Variants in RABGAP1 observed in about 807,000 individuals in gnomAD.
RABGAP1 encodes RAB GTPase activating protein 1.
In RABGAP1, 23 loss-of-function variants were observed where a neutral mutation model predicts 137.6. The observed-to-expected ratio is 0.17, with a 90% CI of 0.12 to 0.24. The LOEUF (loss-of-function observed/expected upper bound fraction) is 0.24, where lower values mean the gene tolerates loss of function less well. Among genes scored for constraint, RABGAP1 ranks in the 10% least tolerant of loss-of-function variants. RABGAP1 has a pLI of 1.00. For missense variants in RABGAP1, 906 were observed against 1,275.8 expected (o/e 0.71, Z 4.42); for synonymous variants, 451 against 450.7 (o/e 1.00, Z -0.01).
At chr9:123,042,111 A>C (rs2032981438) in intron 13 of RABGAP1, among the ~76,000 whole-genome samples, 1 of 152,224 alleles carries the variant, frequency 6.6e-6, no homozygotes, top group African/African-American at 2.4e-5. Flanking sequence ...GCTGTAAGAA[A>C]GTCTGTGTGT....
intron 1 of RABGAP1, among the ~76,000 whole-genome samples, chr9:122,943,072 CTTTTTTTTT>C (rs10582436): frequency 1.7e-5 from 2 of 116,226 alleles, no homozygotes; most frequent in African/African-American, 8.5e-5. Context: ...GGTGCACTTT[CTTTTTTTTT>C]TTTTTTTTTT....
At chr9:123,090,792 T>C (rs2035010905) in intron 21 of RABGAP1, among the ~76,000 whole-genome samples, 2 of 152,256 alleles carry the variant, frequency 1.3e-5, no homozygotes, top group Non-Finnish European at 2.9e-5. Flanking sequence ...GGAATGCAGC[T>C]CAGTACCTCA....
At chr9:123,020,228 A>T in intron 12 of RABGAP1, 81 bp from the exon 13 acceptor site, 1 of 1,246,442 alleles carries the variant, frequency 8.0e-7, no homozygotes, top group Non-Finnish European at 1.1e-6. Flanking sequence ...TAAGCCATTT[A>T]AATTGACTTT....
rs1274558550 is a variant in RABGAP1 at position 123,103,553 on chromosome 9, T to C, written c.*340T>C. 1 of 143,310 alleles carries C rather than the reference T, an allele frequency of 7.0e-6. No individual in the cohort carries two copies. The highest frequency in any genetic ancestry group is 2.1e-4 in the East Asian group (1 of 4,732). 8.9% of individuals were successfully genotyped at this position (143,310 alleles called of 1,614,324 possible). A position where few individuals can be genotyped will look rare whatever the true frequency, so the allele number is the denominator to read the frequency against. On this transcript the variant is annotated 3_prime_UTR_variant, in exon 26 of 26. Transcript: ENST00000373647. Reference sequence around the variant, plus strand: ...CAGAGTTAGGGGATCCTTCAGTCTGTTGATTTTTTTTCTAAACCTTTTTTT... The same window carrying C: ...CAGAGTTAGGGGATCCTTCAGTCTGCTGATTTTTTTTCTAAACCTTTTTTT...
At chr9:123,055,154 C>T (rs1043110093) in intron 13 of RABGAP1, among the ~76,000 whole-genome samples, 1 of 152,086 alleles carries the variant, frequency 6.6e-6, no homozygotes, top group Non-Finnish European at 1.5e-5. Flanking sequence ...TTTATTCAAT[C>T]ATTTATTTAT....
upstream of RABGAP1, among the ~76,000 whole-genome samples, chr9:122,936,795 G>A (rs1833394065): frequency 6.6e-6 from 1 of 152,166 alleles, no homozygotes; most frequent in Non-Finnish European, 1.5e-5. Flanking sequence ...GTCAGATATT[G>A]AAGGATTAGG....
At chr9:123,019,068 A>G (rs769973114) in intron 12 of RABGAP1, among the ~76,000 whole-genome samples, 1 of 152,224 alleles carries the variant, frequency 6.6e-6, no homozygotes. Flanking sequence ...CTGAAGGTCA[A>G]ATAAGATACT....
Position 122,984,806 on chromosome 9 carries a change from A to T in RABGAP1, c.385+87A>T, listed in dbSNP as rs1836281755. Reference sequence around the variant, plus strand: ...CCCTGTACTAGGTTTTATTTAGAACAGGCAAAACCATTGTCTACAAAAACA... The same window carrying T: ...CCCTGTACTAGGTTTTATTTAGAACTGGCAAAACCATTGTCTACAAAAACA... On this transcript the variant is annotated intron_variant, in intron 3 of 25. Transcript: ENST00000373647. 3 of 1,208,940 alleles carry T rather than the reference A, an allele frequency of 2.5e-6. No individual in the cohort carries two copies. In the South Asian group the frequency reaches 4.3e-5, roughly 17 times the overall value. 74.9% of individuals were successfully genotyped at this position (1,208,940 alleles called of 1,614,324 possible). A position where few individuals can be genotyped will look rare whatever the true frequency, so the allele number is the denominator to read the frequency against.
At chr9:122,953,495 G>A (rs1419186191) in intron 1 of RABGAP1, among the ~76,000 whole-genome samples, 3 of 151,718 alleles carry the variant, frequency 2.0e-5, no homozygotes, top group East Asian at 1.9e-4. Flanking sequence ...TCTGCCTCCC[G>A]GGTTCAAGCA....
chr9:123,065,536 A>G (rs2034141739), intron 14 of RABGAP1, 75 bp downstream of exon 14: 1 of 1,082,450 alleles, frequency 9.2e-7, no homozygotes, highest in Admixed American at 1.8e-5. Context: ...AGAAACAACT[A>G]CAAAGTGTAA....
At chr9:123,002,558 A>C (rs1005390144) in intron 10 of RABGAP1, among the ~76,000 whole-genome samples, 5 of 151,614 alleles carry the variant, frequency 3.3e-5, no homozygotes, top group African/African-American at 1.2e-4. Flanking sequence ...CAAAGACTGC[A>C]TGGGTTTACA....
At chr9:123,007,875 TATA>T (rs1454873170) in intron 10 of RABGAP1, among the ~76,000 whole-genome samples, 3 of 149,072 alleles carry the variant, frequency 2.0e-5, no homozygotes, top group African/African-American at 7.3e-5. Flanking sequence ...ATTTCATAAA[TATA>T]ATATATCTAA....
intron 2 of RABGAP1, among the ~76,000 whole-genome samples, chr9:122,973,457 C>T (rs966663566): frequency 2.0e-5 from 3 of 152,020 alleles, no homozygotes; most frequent in Admixed American, 6.5e-5. Context: ...AGGATGGTCT[C>T]GATCTGACCT....
At chr9:123,064,970 T>G (rs942116045) in intron 13 of RABGAP1, among the ~76,000 whole-genome samples, 21 of 152,188 alleles carry the variant, frequency 1.4e-4, no homozygotes, top group African/African-American at 4.6e-4. Flanking sequence ...AAAGCAGCAG[T>G]TTTTCTACTG....
intron 10 of RABGAP1, among the ~76,000 whole-genome samples, chr9:123,005,480 ACTTC>A (rs549632059): frequency 6.6e-6 from 1 of 152,168 alleles, no homozygotes; most frequent in Non-Finnish European, 1.5e-5. Context: ...TATATTTTTA[ACTTC>A]CTTCTGAAAT....
At chr9:122,948,835 A>T (rs143209189) in intron 1 of RABGAP1, among the ~76,000 whole-genome samples, 2 of 152,182 alleles carry the variant, frequency 1.3e-5, no homozygotes, top group South Asian at 4.1e-4. Context: ...CATGTTTGTC[A>T]TTTGTTTTCC....
chr9:122,934,388 T>C, the RABGAP1 span, among the ~76,000 whole-genome samples: 222 of 152,368 alleles, frequency 1.5e-3, 2 homozygotes, highest in Non-Finnish European at 6.0e-4. Flanking sequence ...TCTAACCTTT[T>C]ATTTTCAATC....
chr9:123,065,219 G>T, intron 13 of RABGAP1, 129 bp from the exon 14 acceptor site: 2 of 649,926 alleles, frequency 3.1e-6, no homozygotes, highest in Admixed American at 2.7e-5. Context: ...CAGTAACTAT[G>T]GGCATACATA....
chr9:123,103,197 G>A lies in RABGAP1; in HGVS notation c.3194G>A (p.Gly1065Glu), dbSNP rs1167337809. The A allele has an allele frequency of 6.2e-7, 1 of 1,614,072 alleles. No homozygotes were observed. Among genetic ancestry groups the A allele is most frequent in the Admixed American group, 1.7e-5 (1 of 60,022 alleles). The change falls in exon 26 of 26, where the codon GGG (glycine) becomes GAG (glutamate). Residue 1065 changes from glycine to glutamate, a missense_variant. Transcript: ENST00000373647. ...SSIKTATGVQ[G>E]KETC ...ATAAAGACAGCAACCGGGGTTCAAG[G>A]GAAAGAGACTTGCTGAGAGCAGCTG...
Sources: gnomAD v4.1 joint callset for allele counts (sites outside exome capture counted in the v4.1 genomes callset) on GRCh38, gnomAD v4.1.1 for gene constraint, MANE v1.5 for transcripts, NCBI Gene and HGNC (gene_info 2026-07-23, HGNC 2026-07-21) for gene names.